Variants in CNGA1 observed in about 807,000 individuals in gnomAD.
CNGA1 encodes the protein cyclic nucleotide-gated channel alpha-1.
CNGA1 carries 53 observed loss-of-function variants against 69.7 expected under a neutral mutation model. That is an observed-to-expected ratio of 0.76 (90% CI 0.61 to 0.96). The LOEUF (loss-of-function observed/expected upper bound fraction) is 0.96. Among genes scored for constraint, CNGA1 ranks in the 40% least tolerant of loss-of-function variants. The probability of loss-of-function intolerance (pLI) is 0.00; values close to 1 mark genes in which losing one functional copy is unlikely to be tolerated. For synonymous variants in CNGA1, 249 were observed against 283.5 expected, an observed-to-expected ratio of 0.88 and a Z score of 1.22; for missense variants, 739 against 811.2, an observed-to-expected ratio of 0.91 and a Z score of 1.08.
chr4:47,973,224 T>A (rs2110201191), intron 3 of CNGA1, among the ~76,000 whole-genome samples: 1 of 152,002 alleles, frequency 6.6e-6, no homozygotes, highest in Admixed American at 6.5e-5. Context: ...CCCACCATCA[T>A]GGCCAGCTAA....
intron 10 of CNGA1, among the ~76,000 whole-genome samples, chr4:47,939,393 A>G (rs927227052): frequency 3.3e-5 from 5 of 152,210 alleles, no homozygotes; most frequent in African/African-American, 1.2e-4. Context: ...ACTTTGCCCT[A>G]TGTATCTCTT....
intron 8 of CNGA1, 195 bp downstream of exon 8, chr4:47,942,986 G>A: frequency 4.2e-6 from 2 of 479,794 alleles, no homozygotes; most frequent in South Asian, 3.1e-5. Context: ...CTAATTTTAG[G>A]GAAATTGGAA....
chr4:47,983,643 T>A lies in CNGA1; in HGVS notation c.-122-2143A>T, dbSNP rs192552678. Among the ~76,000 whole-genome samples the A allele has an allele frequency of 2.1e-3, 324 of 152,136 alleles. 3 individuals carry two copies. Among genetic ancestry groups the A allele is most frequent in the Non-Finnish European group, 4.3e-4 (29 of 67,968 alleles). On this transcript the variant is annotated intron_variant, in intron 2 of 10. Transcript: ENST00000514170. Reference sequence around the variant, plus strand: ...AAGAAAAAGAAAAAGAAAAAGAGAATAAGCCCCTTGCCTTGAATACCATGG... The same window carrying A: ...AAGAAAAAGAAAAAGAAAAAGAGAAAAAGCCCCTTGCCTTGAATACCATGG...
intron 2 of CNGA1, among the ~76,000 whole-genome samples, chr4:47,987,482 C>T (rs1742025123): frequency 1.3e-5 from 2 of 152,120 alleles, no homozygotes; most frequent in Admixed American, 6.6e-5. Context: ...CTATGTTGCC[C>T]ATTACTTGTC....
Position 47,956,617 on chromosome 4 carries a change from G to C in CNGA1, c.-14-3914C>G, listed in dbSNP as rs78982488. Among the ~76,000 whole-genome samples the C allele has an allele frequency of 1.9e-3, 296 of 152,272 alleles. 2 individuals are homozygous for C. The highest frequency in any genetic ancestry group is 6.9e-3 in the African/African-American group (287 of 41,548). Reference sequence around the variant, plus strand: ...AGTGTACAATTCGGTTTCTGCAAATGAACAAATTCTTTTCCTGATTTTAGA... The same window carrying C: ...AGTGTACAATTCGGTTTCTGCAAATCAACAAATTCTTTTCCTGATTTTAGA... On this transcript the variant is annotated intron_variant, in intron 3 of 10. Transcript: ENST00000514170.
At chr4:47,993,777 TTGTC>T (rs1378836743) in intron 2 of CNGA1, among the ~76,000 whole-genome samples, 1 of 152,094 alleles carries the variant, frequency 6.6e-6, no homozygotes, top group East Asian at 1.9e-4. Context: ...TGACCTTAGA[TTGTC>T]TGTTTGTGCT....
At chr4:47,994,006 T>C (rs539204369) in intron 2 of CNGA1, among the ~76,000 whole-genome samples, 23 of 152,298 alleles carry the variant, frequency 1.5e-4, no homozygotes, top group Non-Finnish European at 2.8e-4. Context: ...CTTTTGGAGT[T>C]GATTTCCGGT....
chr4:47,996,069 C>T, intron 2 of CNGA1, among the ~76,000 whole-genome samples: 1 of 152,084 alleles, frequency 6.6e-6, no homozygotes, highest in Non-Finnish European at 1.5e-5. Flanking sequence ...AGGAGCAATC[C>T]ACTTCCTTCA....
intron 10 of CNGA1, among the ~76,000 whole-genome samples, chr4:47,939,233 C>G (rs1224583256): frequency 6.6e-6 from 1 of 152,114 alleles, no homozygotes; most frequent in Admixed American, 6.5e-5. Context: ...AGTTAATAGT[C>G]CATCATGCCT....
intron 2 of CNGA1, among the ~76,000 whole-genome samples, chr4:47,988,831 C>A (rs768583841): frequency 3.9e-5 from 6 of 151,972 alleles, no homozygotes; most frequent in Non-Finnish European, 8.8e-5. Context: ...TTTGAGTCCA[C>A]AGTACAGTCA....
chr4:48,013,213 T>C (rs149535821), intron 1 of CNGA1, among the ~76,000 whole-genome samples: 32 of 152,188 alleles, frequency 2.1e-4, no homozygotes, highest in Middle Eastern at 6.8e-3. Context: ...TGATAAGAGG[T>C]TTGCCAAAGG....
At chr4:48,013,470 A>T (rs1304724143) in intron 1 of CNGA1, among the ~76,000 whole-genome samples, 1 of 152,254 alleles carries the variant, frequency 6.6e-6, no homozygotes, top group Non-Finnish European at 1.5e-5. Context: ...CTGTCTGGAA[A>T]GACGGGACAA....
chr4:48,015,892 A>G (rs571942818), intron 1 of CNGA1, among the ~76,000 whole-genome samples: 1 of 152,244 alleles, frequency 6.6e-6, no homozygotes, highest in Non-Finnish European at 1.5e-5. Context: ...GCCACCCGCC[A>G]GCCCTGCCCA....
chr4:47,946,519 C>T (rs377584424), intron 6 of CNGA1, among the ~76,000 whole-genome samples: 18 of 152,294 alleles, frequency 1.2e-4, no homozygotes, highest in African/African-American at 3.6e-4. Flanking sequence ...ACCTGGATCA[C>T]GTGGACATTT....
chr4:47,954,644 G>A (rs1181451269), intron 3 of CNGA1, among the ~76,000 whole-genome samples: 1 of 152,228 alleles, frequency 6.6e-6, no homozygotes. Context: ...AGTGGTGAAT[G>A]TTCCTCCTCC....
At chr4:48,014,151 A>C (rs1715279699) in intron 1 of CNGA1, among the ~76,000 whole-genome samples, 1 of 152,234 alleles carries the variant, frequency 6.6e-6, no homozygotes, top group African/African-American at 2.4e-5. Flanking sequence ...CTAGAATCAA[A>C]GAATGGGCTA....
chr4:47,965,389 C>T (rs1013486492), intron 3 of CNGA1, among the ~76,000 whole-genome samples: 4 of 151,602 alleles, frequency 2.6e-5, no homozygotes, highest in African/African-American at 9.7e-5. Flanking sequence ...ATAATTTTAA[C>T]ACTTCTATGA....
At chr4:47,940,639 CT>C in intron 10 of CNGA1, 123 bp downstream of exon 10, 12 of 719,798 alleles carry the variant, frequency 1.7e-5, no homozygotes, top group Non-Finnish European at 1.9e-5. Flanking sequence ...TCACCTGTGC[CT>C]TTTTCTCTAG....
intron 3 of CNGA1, among the ~76,000 whole-genome samples, chr4:47,961,878 T>G (rs1740459865): frequency 6.6e-6 from 1 of 152,214 alleles, no homozygotes; most frequent in Admixed American, 6.5e-5. Context: ...ATTAGGAGAC[T>G]TTTAAGTGTG....
Sources: allele counts gnomAD v4.1 joint callset (sites outside exome capture counted in the v4.1 genomes callset), GRCh38; gene constraint gnomAD v4.1.1; transcripts MANE v1.5; gene names NCBI Gene and HGNC (gene_info 2026-07-23, HGNC 2026-07-21).